Variants in AGFG1 observed in about 807,000 individuals in gnomAD.
The protein encoded by AGFG1 is arf-GAP domain and FG repeat-containing protein 1.
Under a neutral mutation model 60.6 loss-of-function variants are expected in AGFG1, and 10 were observed. That is an observed-to-expected ratio of 0.16 (90% CI 0.10 to 0.28). The LOEUF (loss-of-function observed/expected upper bound fraction) is 0.28. AGFG1 is among the 10% of genes least tolerant of loss of function. The pLI is 1.00. For missense variants in AGFG1, 537 were observed against 676.5 expected, an observed-to-expected ratio of 0.79 and a Z score of 2.29; for synonymous variants, 247 against 242.9, an observed-to-expected ratio of 1.02 and a Z score of -0.16.
At chr2:227,499,570 G>A (rs976346391) in intron 2 of AGFG1, among the ~76,000 whole-genome samples, 1 of 151,732 alleles carries the variant, frequency 6.6e-6, no homozygotes, top group African/African-American at 2.4e-5. Flanking sequence ...AACCCAGCAG[G>A]CAGAGGTTGT....
At chr2:227,472,682 C>A (rs1028456526) in intron 1 of AGFG1, 94 bp downstream of exon 1, 3 of 1,351,038 alleles carry the variant, frequency 2.2e-6, no homozygotes, top group Admixed American at 3.2e-5. Flanking sequence ...TGGGAAAGAG[C>A]CGGGTGCCGT....
intron 2 of AGFG1, among the ~76,000 whole-genome samples, chr2:227,503,080 A>G (rs1691208479): frequency 1.3e-5 from 2 of 151,964 alleles, no homozygotes; most frequent in South Asian, 2.1e-4. Context: ...AAAAAATACA[A>G]AAGTTAGCCA....
In AGFG1 at chr2:227,524,828, C is replaced by T. The variant is rs1575097143; in HGVS notation, c.607C>T (p.Leu203Phe). ...GAAGCAATTTGACCTTTTAAGTGAT[C>T]TCGGCTCAGACATCTTTGCTGCTCC... The part of the protein sequence containing the change: ...EKKQFDLLSD[L>F]GSDIFAAPAP... The change falls in exon 5 of 13, where the codon CTC (leucine) becomes TTC (phenylalanine). Residue 203 changes from leucine to phenylalanine, a missense_variant. Physicochemically the swap from Leu to Phe is conservative, Grantham distance 22. Around this residue, in one of 4 missense-constraint regions of AGFG1, gnomAD observed 102 missense variants for 82.9 expected, o/e 1.23. Transcript: ENST00000310078. The T allele has an allele frequency of 6.2e-7, 1 of 1,614,160 alleles. No homozygotes were observed. Among genetic ancestry groups the T allele is most frequent in the East Asian group, 2.2e-5 (1 of 44,874 alleles).
At chr2:227,553,605 C>CTCTGGTAGGAATGTCTCTGAAAGTTAT in intron 11 of AGFG1, 99 bp from the exon 12 acceptor site, 1 of 942,142 alleles carries the variant, frequency 1.1e-6, no homozygotes, top group Non-Finnish European at 1.6e-6. Flanking sequence ...ATTTTTGCTG[C>CTCTGGTAGGAATGTCTCTGAAAGTTAT]TCTGGTAGGA....
intron 2 of AGFG1, chr2:227,510,721 A>G (rs1037693427): frequency 3.9e-5 from 6 of 152,182 alleles, no homozygotes; most frequent in Non-Finnish European, 8.8e-5. Flanking sequence ...TTTTCATCCT[A>G]TCTAGAACAC....
chr2:227,552,044 C>A lies in AGFG1; in HGVS notation c.1464C>A (p.Gly488=), dbSNP rs1158104192. Residue 488 remains glycine (G), a synonymous_variant, in exon 11 of 13, where the codon GGC becomes GGA. Transcript: ENST00000310078. ...APYSLPTSFS[G]SFQQPAFPAQ... Reference sequence around the variant, plus strand: ...ACAGTCTTCCCACCAGCTTTAGTGGCAGCTTTCAGCAGCCTGCCTTTCCAG... The same window carrying A: ...ACAGTCTTCCCACCAGCTTTAGTGGAAGCTTTCAGCAGCCTGCCTTTCCAG... 1.9e-6 allele frequency: 3 copies of A among 1,614,086 alleles called. No homozygotes were observed. In the African/African-American group the frequency reaches 4.0e-5, roughly 22 times the overall value.
At chr2:227,478,968 A>G (rs1280172640) in intron 1 of AGFG1, among the ~76,000 whole-genome samples, 1 of 151,994 alleles carries the variant, frequency 6.6e-6, no homozygotes, top group Non-Finnish European at 1.5e-5. Flanking sequence ...CATTCACTTA[A>G]ACTATATACT....
At chr2:227,485,060 C>T (rs1690584879) in intron 1 of AGFG1, among the ~76,000 whole-genome samples, 1 of 151,814 alleles carries the variant, frequency 6.6e-6, no homozygotes, top group Non-Finnish European at 1.5e-5. Flanking sequence ...TTATTTTGAT[C>T]TTATACTTCA....
chr2:227,549,699 A>G (rs1365366705), intron 10 of AGFG1, among the ~76,000 whole-genome samples: 1 of 152,232 alleles, frequency 6.6e-6, no homozygotes, highest in Non-Finnish European at 1.5e-5. Flanking sequence ...GGATAATCTC[A>G]TATGATCCTA....
intron 2 of AGFG1, among the ~76,000 whole-genome samples, chr2:227,496,364 C>T (rs1194244770): frequency 6.6e-6 from 1 of 151,528 alleles, no homozygotes; most frequent in Non-Finnish European, 1.5e-5. Context: ...ATGGCGTGAA[C>T]CTGGGTGGTG....
chr2:227,496,646 A>G (rs895339389), intron 2 of AGFG1, among the ~76,000 whole-genome samples: 2 of 152,152 alleles, frequency 1.3e-5, no homozygotes, highest in African/African-American at 4.8e-5. Context: ...TTTTAGCCTT[A>G]ATTTCTATTG....
At chr2:227,525,416 T>A (rs897852959) in intron 5 of AGFG1, among the ~76,000 whole-genome samples, 1 of 152,212 alleles carries the variant, frequency 6.6e-6, no homozygotes, top group Non-Finnish European at 1.5e-5. Context: ...AATAATTCAT[T>A]AGGATTCAAA....
intron 2 of AGFG1, among the ~76,000 whole-genome samples, chr2:227,512,631 G>A (rs532428262): frequency 6.6e-6 from 1 of 152,144 alleles, no homozygotes; most frequent in East Asian, 1.9e-4. Context: ...ATAGGTCCAC[G>A]GTACCTGTTT....
rs1255936564 is a variant in AGFG1, at chr2:227,552,012, G to C, written c.1432G>C (p.Ala478Pro). Residue 478 changes from alanine (A) to proline (P), a missense_variant, in exon 11 of 13, where the codon GCT (alanine) becomes CCT (proline). Ala to Pro is a conservative substitution (Grantham distance 27). This residue lies in a region of AGFG1 where 287 missense variants were observed against 343.6 expected (regional missense o/e 0.84). Transcript: ENST00000310078. Reference protein sequence around the residue: ...MSMPTGFGTPAPYSLPTSFSG... With the variant: ...MSMPTGFGTPPPYSLPTSFSG... ...CATGCCCACAGGATTCGGCACTCCT[G>C]CTCCCTACAGTCTTCCCACCAGCTT... is the stretch of plus-strand genomic sequence containing the variant. 6.2e-7 allele frequency: 1 copy of C among 1,614,170 alleles called. No homozygotes were observed. Among genetic ancestry groups the C allele is most frequent in the Admixed American group, 1.7e-5 (1 of 60,024 alleles).
intron 6 of AGFG1, among the ~76,000 whole-genome samples, chr2:227,532,703 GT>G (rs1692198173): frequency 6.6e-6 from 1 of 151,870 alleles, no homozygotes; most frequent in South Asian, 2.1e-4. Context: ...TATATATACT[GT>G]TTTGATTTCT....
chr2:227,531,306 A>G (rs1692151556), intron 6 of AGFG1, 96 bp downstream of exon 6: 2 of 1,373,272 alleles, frequency 1.5e-6, no homozygotes, highest in Non-Finnish European at 2.0e-6. Flanking sequence ...TAAATTCTGT[A>G]ATTATCTGAC....
rs869114764 is a variant in AGFG1 at position 227,497,735 on chromosome 2, G to GTTTTTT, written c.261+6116_261+6121dup. Among the ~76,000 whole-genome samples the GTTTTTT allele has an allele frequency of 4.6e-3, 129 of 28,026 alleles. 33 individuals carry two copies. Among genetic ancestry groups the GTTTTTT allele is most frequent in the Non-Finnish European group, 6.1e-3 (85 of 14,028 alleles). 18.4% of individuals were successfully genotyped at this position (28,026 alleles called of 152,430 possible). On this transcript the variant is annotated intron_variant, in intron 2 of 12. Transcript: ENST00000310078. The stretch of plus-strand genomic sequence containing the variant: ...GCCAAATGAGTTTCTTTCTTGTTTT[G>GTTTTTT]TTTTTTTTTTTTTTTTTTTTTTTTT...
In AGFG1 at chr2:227,520,027, A is replaced by G. The variant is rs757662350; in HGVS notation, c.341A>G (p.Lys114Arg). 1.9e-6 allele frequency: 3 copies of G among 1,580,936 alleles called. No individual in the cohort carries two copies. The highest frequency in any genetic ancestry group is 2.6e-6 in the Non-Finnish European group (3 of 1,170,322). Residue 114 changes from lysine (K) to arginine (R), a missense_variant, in exon 3 of 13, where the codon AAA (lysine) becomes AGA (arginine). Transcript: ENST00000310078. ...GACTTCAGGGATCCACAAAAAGTGA[A>G]AGAGTTTCTACAAGAAAAGTATGAA... ...IPDFRDPQKVKEFLQEKYEKK... is the reference protein window; with the variant it reads ...IPDFRDPQKVREFLQEKYEKK...
At chr2:227,473,227 C>T (rs1198771156) in intron 1 of AGFG1, among the ~76,000 whole-genome samples, 2 of 152,078 alleles carry the variant, frequency 1.3e-5, no homozygotes, top group African/African-American at 4.8e-5. Context: ...AGATGTGAAT[C>T]CCCTGGGAAA....
Sources: gnomAD v4.1 joint callset for allele counts (sites outside exome capture counted in the v4.1 genomes callset) on GRCh38, gnomAD v4.1.1 for gene constraint, gnomAD v4.1.1 regional missense constraint, MANE v1.5 for transcripts, NCBI Gene and HGNC (gene_info 2026-07-23, HGNC 2026-07-21) for gene names.